Variants in DNAJC27 observed in about 807,000 individuals in gnomAD.
DNAJC27 encodes dnaJ homolog subfamily C member 27.
Under a neutral mutation model 31.4 loss-of-function variants are expected in DNAJC27, and 25 were observed. The observed-to-expected ratio is 0.80, with a 90% confidence interval of 0.58 to 1.11. The LOEUF (loss-of-function observed/expected upper bound fraction) is 1.11, where lower values mean the gene tolerates loss of function less well. Ranked by LOEUF, DNAJC27 falls within the 50% of genes most tolerant of loss-of-function variation. The pLI is 0.00. For synonymous variants in DNAJC27, 106 were observed against 112.7 expected, an observed-to-expected ratio of 0.94 and a Z score of 0.37; for missense variants, 356 against 347.3, an observed-to-expected ratio of 1.02 and a Z score of -0.20.
intron 3 of DNAJC27, among the ~76,000 whole-genome samples, chr2:24,962,524 G>A (rs543013752): frequency 6.6e-6 from 1 of 152,216 alleles, no homozygotes; most frequent in Admixed American, 6.5e-5. Flanking sequence ...CCAAAGTGCT[G>A]GGATTACAGA....
At chr2:24,969,931 T>C (rs992064200) in intron 1 of DNAJC27, among the ~76,000 whole-genome samples, 18 of 152,236 alleles carry the variant, frequency 1.2e-4, no homozygotes, top group Non-Finnish European at 1.3e-4. Context: ...ATTGATGTTT[T>C]CACTGGAATT....
chr2:24,955,025 A>G (rs1336974373), intron 5 of DNAJC27, among the ~76,000 whole-genome samples: 1 of 152,228 alleles, frequency 6.6e-6, no homozygotes, highest in African/African-American at 2.4e-5. Context: ...CTGGTGTTCA[A>G]TCAAAAACCA....
At position 24,963,485 on chromosome 2, in the gene DNAJC27, C is replaced by G; in HGVS notation, c.171-11G>C. The G allele has an allele frequency of 1.2e-6, 2 of 1,603,854 alleles. No homozygotes were observed. Among genetic ancestry groups the G allele is most frequent in the Non-Finnish European group, 1.7e-6 (2 of 1,173,154 alleles). On this transcript the variant is annotated splice_polypyrimidine_tract_variant and intron_variant, in intron 2 of 6. Coordinates refer to ENST00000264711, the MANE Select transcript of DNAJC27 (RefSeq NM_016544.3). ...TCTCTGACGTGTACCCTGAAATGTT[C>G]AAATGGAAACAATCCGAAAGAAAGT...
Position 24,947,550 on chromosome 2 carries a change from G to A in DNAJC27, c.*66C>T, listed in dbSNP as rs923256969. 6.5e-7 allele frequency: 1 copy of A among 1,531,598 alleles called. No individual in the cohort carries two copies. Among genetic ancestry groups the A allele is most frequent in the African/African-American group, 1.4e-5 (1 of 72,598 alleles). 94.9% of individuals were successfully genotyped at this position (1,531,598 alleles called of 1,614,324 possible). ...TTCTGGGAAGGAAAACTCCACGTTGGTTATTTCACCTCTAGGGAAAGTCTG... is the reference window on the plus strand; with the variant it reads ...TTCTGGGAAGGAAAACTCCACGTTGATTATTTCACCTCTAGGGAAAGTCTG... On this transcript the variant is annotated 3_prime_UTR_variant, in exon 7 of 7. Coordinates refer to ENST00000264711, the MANE Select transcript of DNAJC27 (RefSeq NM_016544.3).
intron 2 of DNAJC27, among the ~76,000 whole-genome samples, chr2:24,964,260 A>T (rs1666122319): frequency 6.6e-6 from 1 of 152,014 alleles, no homozygotes; most frequent in Admixed American, 6.6e-5. Context: ...CCCTACTAAA[A>T]AAATAAAAAA....
intron 1 of DNAJC27, among the ~76,000 whole-genome samples, chr2:24,968,166 C>G (rs930678950): frequency 1.3e-5 from 2 of 152,156 alleles, no homozygotes; most frequent in African/African-American, 4.8e-5. Context: ...GCTTTTCTCT[C>G]TTAACAATAA....
chr2:24,963,479 A>G lies in DNAJC27; in HGVS notation c.171-5T>C, dbSNP rs1288679936. On this transcript the variant is annotated splice_polypyrimidine_tract_variant and splice_region_variant and intron_variant, in intron 2 of 6. Coordinates refer to ENST00000264711, the MANE Select transcript of DNAJC27 (RefSeq NM_016544.3). ...TCTCTGTCTCTGACGTGTACCCTGAAATGTTCAAATGGAAACAATCCGAAA... is the reference window on the plus strand; with the variant it reads ...TCTCTGTCTCTGACGTGTACCCTGAGATGTTCAAATGGAAACAATCCGAAA... 1.2e-6 allele frequency: 2 copies of G among 1,609,946 alleles called. No homozygotes were observed. Among genetic ancestry groups the G allele is most frequent in the Non-Finnish European group, 1.7e-6 (2 of 1,177,066 alleles).
At chr2:24,965,900 T>C (rs977214795) in intron 2 of DNAJC27, among the ~76,000 whole-genome samples, 1 of 152,180 alleles carries the variant, frequency 6.6e-6, no homozygotes, top group Non-Finnish European at 1.5e-5. Flanking sequence ...TAAATATTTA[T>C]TGAGTACCTA....
intron 6 of DNAJC27, among the ~76,000 whole-genome samples, chr2:24,949,908 C>A: frequency 6.8e-6 from 1 of 148,012 alleles, no homozygotes; most frequent in Non-Finnish European, 1.5e-5. Context: ...TATACAGATT[C>A]AGTGCAATCT....
chr2:24,971,787 G>A, intron 1 of DNAJC27, 31 bp downstream of exon 1: 1 of 1,576,726 alleles, frequency 6.3e-7, no homozygotes, highest in African/African-American at 1.4e-5. Context: ...CGCCACGCTG[G>A]GGCCCGCCCC....
intron 6 of DNAJC27, among the ~76,000 whole-genome samples, chr2:24,949,069 C>T (rs1458203307): frequency 1.3e-5 from 2 of 152,134 alleles, no homozygotes; most frequent in Non-Finnish European, 2.9e-5. Flanking sequence ...ATTCTAGGGC[C>T]TTTTCTGCTT....
chr2:24,971,690 T>G (rs1363842476), intron 1 of DNAJC27, 128 bp downstream of exon 1: 6 of 751,806 alleles, frequency 8.0e-6, no homozygotes, highest in Non-Finnish European at 1.0e-5. Flanking sequence ...ACCCCTCGGC[T>G]GAGACCCGGG....
At chr2:24,958,780 A>G (rs557507117) in intron 3 of DNAJC27, among the ~76,000 whole-genome samples, 1 of 152,190 alleles carries the variant, frequency 6.6e-6, no homozygotes, top group African/African-American at 2.4e-5. Context: ...GCAGCATGAA[A>G]TATGGGCATA....
intron 5 of DNAJC27, among the ~76,000 whole-genome samples, chr2:24,954,939 A>G (rs1665870408): frequency 6.6e-6 from 1 of 152,238 alleles, no homozygotes; most frequent in Admixed American, 6.5e-5. Context: ...CCGTCTCAAA[A>G]AAAGAAAAAA....
At chr2:24,953,806 T>C (rs987323856) in intron 5 of DNAJC27, among the ~76,000 whole-genome samples, 1 of 152,184 alleles carries the variant, frequency 6.6e-6, no homozygotes, top group African/African-American at 2.4e-5. Context: ...AGACAAGTCA[T>C]AGTGTAGGCT....
At position 24,944,975 on chromosome 2, in the gene DNAJC27, C is replaced by T. The variant is rs1372119273; in HGVS notation, c.*2641G>A. On this transcript the variant is annotated 3_prime_UTR_variant, in exon 7 of 7. Coordinates refer to ENST00000264711, the MANE Select transcript of DNAJC27 (RefSeq NM_016544.3). The stretch of plus-strand genomic sequence containing the variant: ...AGATTCTCTATAAAAACGTTTTAGC[C>T]ATTGTAATTATTCTGCTAGCTGTTA... 1 of 152,354 alleles carries T rather than the reference C, an allele frequency of 6.6e-6. No homozygotes were observed. The highest frequency in any genetic ancestry group is 1.9e-4 in the East Asian group (1 of 5,184). 9.4% of individuals were successfully genotyped at this position (152,354 alleles called of 1,614,324 possible). A position where few individuals can be genotyped will look rare whatever the true frequency, so the allele number is the denominator to read the frequency against.
At chr2:24,969,730 C>A (rs1410232867) in intron 1 of DNAJC27, among the ~76,000 whole-genome samples, 1 of 152,224 alleles carries the variant, frequency 6.6e-6, no homozygotes. Flanking sequence ...CCACCTGCCT[C>A]TGCCTCCCAA....
At chr2:24,952,970 TCTCAAACTCCTTGG>T (rs1261098150) in intron 5 of DNAJC27, among the ~76,000 whole-genome samples, 1 of 152,060 alleles carries the variant, frequency 6.6e-6, no homozygotes, top group Non-Finnish European at 1.5e-5. Flanking sequence ...GCCAGGCTGG[TCTCAAACTCCTTGG>T]CTCAAGTGAT....
At chr2:24,955,748 C>T (rs1241372777) in intron 5 of DNAJC27, among the ~76,000 whole-genome samples, 1 of 152,188 alleles carries the variant, frequency 6.6e-6, no homozygotes, top group African/African-American at 2.4e-5. Flanking sequence ...TCATGACACA[C>T]AATGGAGGCC....
Sources: gnomAD v4.1 joint callset for allele counts (sites outside exome capture counted in the v4.1 genomes callset) on GRCh38, gnomAD v4.1.1 for gene constraint, MANE v1.5 for transcripts, NCBI Gene and HGNC (gene_info 2026-07-23, HGNC 2026-07-21) for gene names.